Variants in PHLPP1 observed in about 807,000 individuals in gnomAD.
PHLPP1 encodes the protein PH domain leucine-rich repeat-containing protein phosphatase 1.
A neutral mutation model predicts 117.2 loss-of-function variants in PHLPP1; 42 were observed. The observed-to-expected ratio is 0.36, with a 90% CI of 0.28 to 0.46. PHLPP1 has a LOEUF of 0.46. PHLPP1 is among the 20% of genes least tolerant of loss of function. The pLI, the probability that PHLPP1 is intolerant of heterozygous loss-of-function variation, is 1.00. For synonymous variants in PHLPP1, 1,042 were observed against 970.7 expected (o/e 1.07, Z -1.37); for missense variants, 2,084 against 2,241.9 (o/e 0.93, Z 1.42).
intron 1 of PHLPP1, among the ~76,000 whole-genome samples, chr18:62,815,437 T>G (rs535706864): frequency 1.8e-3 from 277 of 152,068 alleles, no homozygotes; most frequent in African/African-American, 6.5e-3. Context: ...GATTACAGGC[T>G]TGAGCCACCG....
intron 4 of PHLPP1, among the ~76,000 whole-genome samples, chr18:62,861,989 T>TTGG (rs1915643107): frequency 6.6e-6 from 1 of 152,260 alleles, no homozygotes; most frequent in South Asian, 2.1e-4. Context: ...TGGAGAGTAC[T>TTGG]ACTCCGTTGT....
Position 62,793,958 on chromosome 18 carries a change from A to G in PHLPP1, c.1577-36077A>G, listed in dbSNP as rs1913544427. Among the ~76,000 whole-genome samples, 6 of 152,278 alleles carry G rather than the reference A, an allele frequency of 3.9e-5. No individual in the cohort carries two copies. The South Asian group carries it at 1.2e-3, about 32-fold the overall frequency. ...AAGTTTGGTTTCCCAATATTGATGA[A>G]TCTCCTTTGTTGTTGCTATCCACAT... On this transcript the variant is annotated intron_variant, in intron 1 of 16. Coordinates refer to ENST00000262719, the MANE Select transcript of PHLPP1 (RefSeq NM_194449.4).
intron 1 of PHLPP1, among the ~76,000 whole-genome samples, chr18:62,805,878 T>A (rs1913935752): frequency 6.6e-6 from 1 of 151,916 alleles, no homozygotes; most frequent in Admixed American, 6.6e-5. Context: ...AGATTGCCAG[T>A]GTTGCTTTTT....
At position 62,941,646 on chromosome 18, in the gene PHLPP1, A is replaced by G; in HGVS notation, c.2961-72A>G. Reference sequence around the variant, plus strand: ...GATCCCAGCTTCTAATATGCCTGGTATCAAAGCTTTTAGGTTTCTTGAGGG... The same window carrying G: ...GATCCCAGCTTCTAATATGCCTGGTGTCAAAGCTTTTAGGTTTCTTGAGGG... On this transcript the variant is annotated intron_variant, in intron 10 of 16. Coordinates refer to ENST00000262719, the MANE Select transcript of PHLPP1 (RefSeq NM_194449.4). 3 of 1,091,194 alleles carry G rather than the reference A, an allele frequency of 2.7e-6. 1 individual carries two copies. Among genetic ancestry groups the G allele is most frequent in the South Asian group, 2.9e-5 (2 of 67,838 alleles). The allele number at this position is 1,091,194 out of a possible 1,614,324, so 67.6% of individuals were successfully genotyped here.
chr18:62,960,146 A>G (rs1405258225), intron 13 of PHLPP1, among the ~76,000 whole-genome samples: 1 of 152,242 alleles, frequency 6.6e-6, no homozygotes, highest in Non-Finnish European at 1.5e-5. Context: ...TTTAAAAATA[A>G]TTGCACCAAA....
intron 1 of PHLPP1, among the ~76,000 whole-genome samples, chr18:62,750,885 G>A (rs1474929949): frequency 6.6e-6 from 1 of 152,128 alleles, no homozygotes; most frequent in Admixed American, 6.5e-5. Context: ...GAAAATGAAA[G>A]GATTCAAGTA....
intron 1 of PHLPP1, among the ~76,000 whole-genome samples, chr18:62,739,267 T>C (rs1415960730): frequency 1.3e-5 from 2 of 152,228 alleles, no homozygotes; most frequent in African/African-American, 4.8e-5. Flanking sequence ...TAGCGAGTTA[T>C]ATTGAGTGAA....
intron 6 of PHLPP1, among the ~76,000 whole-genome samples, chr18:62,899,122 A>G (rs932649919): frequency 6.6e-6 from 1 of 152,184 alleles, no homozygotes; most frequent in Non-Finnish European, 1.5e-5. Context: ...GATGTTGTCA[A>G]ACTTGCACAG....
intron 1 of PHLPP1, among the ~76,000 whole-genome samples, chr18:62,750,159 C>T (rs1911801464): frequency 6.6e-6 from 1 of 152,184 alleles, no homozygotes; most frequent in African/African-American, 2.4e-5. Flanking sequence ...TTTTGAGGTA[C>T]TGAGAGTTAG....
chr18:62,923,115 G>A (rs921956514), intron 10 of PHLPP1, among the ~76,000 whole-genome samples: 1 of 152,152 alleles, frequency 6.6e-6, no homozygotes, highest in African/African-American at 2.4e-5. Context: ...GTTAGCTAAA[G>A]GCATTTAGGC....
intron 1 of PHLPP1, among the ~76,000 whole-genome samples, chr18:62,756,399 G>A (rs1912021768): frequency 1.3e-5 from 2 of 152,314 alleles, no homozygotes; most frequent in South Asian, 4.1e-4. Context: ...GCATGCCATC[G>A]TCTGCAAGTA....
chr18:62,875,995 A>G (rs544072613), intron 4 of PHLPP1, among the ~76,000 whole-genome samples: 67 of 152,216 alleles, frequency 4.4e-4, no homozygotes, highest in African/African-American at 1.5e-3. Context: ...AGCCTCCCAA[A>G]GTGCTGGGAT....
In PHLPP1 at chr18:62,838,790, GA is replaced by G; in HGVS notation, c.1782del (p.Val595Ter). On this transcript the variant is annotated frameshift_variant, in exon 3 of 17. Coordinates refer to ENST00000262719, the MANE Select transcript of PHLPP1 (RefSeq NM_194449.4). LOFTEE classifies it high-confidence loss of function. ...TCTCTGTTTGCTTTTATAGGTAGAAGAAGTGAAAAAGCACCAACACTGTTTA... is the reference window on the plus strand; with the variant it reads ...TCTCTGTTTGCTTTTATAGGTAGAAGAGTGAAAAAGCACCAACACTGTTTA... The part of the protein sequence containing the change: ...VLPLIGGKVE[E>X]VKKHQHCLAF... 6.2e-7 allele frequency: 1 copy of G among 1,613,738 alleles called. No homozygotes were observed. The highest frequency in any genetic ancestry group is 8.5e-7 in the Non-Finnish European group (1 of 1,179,744).
intron 15 of PHLPP1, among the ~76,000 whole-genome samples, chr18:62,975,063 G>A (rs577910129): frequency 2.1e-4 from 32 of 152,318 alleles, no homozygotes; most frequent in African/African-American, 7.2e-4. Flanking sequence ...TGTCTTTGGA[G>A]TGTGCTGATA....
At chr18:62,802,596 A>G (rs934140413) in intron 1 of PHLPP1, among the ~76,000 whole-genome samples, 1 of 152,240 alleles carries the variant, frequency 6.6e-6, no homozygotes, top group African/African-American at 2.4e-5. Context: ...TGGGCTAAGT[A>G]TCATAGGTAC....
At chr18:62,880,104 A>G (rs1229159451) in intron 4 of PHLPP1, among the ~76,000 whole-genome samples, 1 of 152,134 alleles carries the variant, frequency 6.6e-6, no homozygotes, top group Non-Finnish European at 1.5e-5. Flanking sequence ...GTATACTTCC[A>G]GCACCTTTGT....
At chr18:62,720,980 G>A (rs1395791722) in intron 1 of PHLPP1, among the ~76,000 whole-genome samples, 1 of 152,112 alleles carries the variant, frequency 6.6e-6, no homozygotes, top group African/African-American at 2.4e-5. Context: ...TCCTCGGGAG[G>A]GCGGAGAATA....
At chr18:62,868,351 T>C (rs1915818451) in intron 4 of PHLPP1, among the ~76,000 whole-genome samples, 1 of 152,130 alleles carries the variant, frequency 6.6e-6, no homozygotes, top group South Asian at 2.1e-4. Flanking sequence ...CTTCAGACTA[T>C]TTTAGATGAA....
At chr18:62,940,550 G>A (rs1040680954) in intron 10 of PHLPP1, among the ~76,000 whole-genome samples, 19 of 151,552 alleles carry the variant, frequency 1.3e-4, no homozygotes, top group African/African-American at 4.1e-4. Context: ...ATGTTTAGTA[G>A]AAACAGGGTT....
Sources: allele counts gnomAD v4.1 joint callset (sites outside exome capture counted in the v4.1 genomes callset), GRCh38; gene constraint gnomAD v4.1.1; transcripts MANE v1.5; gene names NCBI Gene and HGNC (gene_info 2026-07-23, HGNC 2026-07-21).